The following DIAPH1 variants were observed in gnomAD, a reference collection of about 807,000 sequenced individuals.
DIAPH1 encodes diaphanous related formin 1, also known as protein diaphanous homolog 1.
A neutral mutation model predicts 140.7 loss-of-function variants in DIAPH1; 46 were observed. The observed-to-expected ratio is 0.33, with a 90% CI of 0.26 to 0.42. The LOEUF (loss-of-function observed/expected upper bound fraction) is 0.42, where lower values mean the gene tolerates loss of function less well. Among genes scored for constraint, DIAPH1 ranks in the 10% least tolerant of loss-of-function variants. The probability of loss-of-function intolerance (pLI) is 1.00; values close to 1 mark genes in which losing one functional copy is unlikely to be tolerated. For synonymous variants in DIAPH1, 565 were observed against 551.6 expected, an observed-to-expected ratio of 1.02 and a Z score of -0.34; for missense variants, 1,310 against 1,558.7, an observed-to-expected ratio of 0.84 and a Z score of 2.69.
intron 10 of DIAPH1, 49 bp from the exon 11 acceptor site, chr5:141,578,392 G>C (rs1351979552): frequency 1.3e-6 from 2 of 1,551,286 alleles, no homozygotes; most frequent in Non-Finnish European, 1.8e-6. Context: ...TATCCTCTGT[G>C]GTTAGAAACC....
chr5:141,611,411 C>G (rs891827351), intron 1 of DIAPH1, among the ~76,000 whole-genome samples: 2 of 152,078 alleles, frequency 1.3e-5, no homozygotes, highest in Admixed American at 6.5e-5. Flanking sequence ...AATGAAAAGA[C>G]AGCCAGAAGT....
chr5:141,536,033 C>T, intron 18 of DIAPH1: 1 of 469,178 alleles, frequency 2.1e-6, no homozygotes, highest in South Asian at 1.6e-5. Context: ...GGCACAGTGG[C>T]TCACACCTGT....
intron 17 of DIAPH1, chr5:141,571,712 C>T (rs1323473214): frequency 1.5e-6 from 1 of 684,060 alleles, no homozygotes; most frequent in Non-Finnish European, 2.7e-6. Flanking sequence ...ATACAAAATA[C>T]CTACATACAA....
Position 141,580,652 on chromosome 5 carries a change from C to G in DIAPH1, c.824+92G>C, listed in dbSNP as rs980771153. 10 of 1,313,938 alleles carry G rather than the reference C, an allele frequency of 7.6e-6. No homozygotes were observed. The Admixed American group carries it at 1.4e-4, about 18-fold the overall frequency. The allele number at this position is 1,313,938 out of a possible 1,614,324, so 81.4% of individuals were successfully genotyped here. On this transcript the variant is annotated intron_variant, in intron 8 of 27. Transcript: ENST00000389054. Reference sequence around the variant, plus strand: ...CACAATCTTACCTAGTATTTATGACCGAGAGGACACCCAACCAACTCAATT... The same window carrying G: ...CACAATCTTACCTAGTATTTATGACGGAGAGGACACCCAACCAACTCAATT...
At chr5:141,545,644 G>GA (rs934019767) in intron 18 of DIAPH1, among the ~76,000 whole-genome samples, 11 of 151,808 alleles carry the variant, frequency 7.2e-5, no homozygotes, top group African/African-American at 2.7e-4. Context: ...CCCTGTCTCA[G>GA]AAAAAAAGCA....
intron 27 of DIAPH1, among the ~76,000 whole-genome samples, chr5:141,519,660 G>GA (rs2099886217): frequency 2.6e-5 from 4 of 152,202 alleles, no homozygotes; most frequent in African/African-American, 7.2e-5. Context: ...AGAGTAGGTA[G>GA]GGAGAAGATC....
chr5:141,543,686 T>G (rs2099890343), intron 18 of DIAPH1, among the ~76,000 whole-genome samples: 1 of 152,206 alleles, frequency 6.6e-6, no homozygotes, highest in African/African-American at 2.4e-5. Flanking sequence ...GAAAGATGTT[T>G]GGTAAGTTAG....
intron 17 of DIAPH1, 165 bp downstream of exon 17, chr5:141,571,761 A>C: frequency 1.4e-6 from 1 of 720,466 alleles, no homozygotes; most frequent in Non-Finnish European, 2.5e-6. Flanking sequence ...CATAATATTT[A>C]ATACAAAAAC....
At chr5:141,583,098 C>G in intron 6 of DIAPH1, 108 bp downstream of exon 6, 1 of 967,870 alleles carries the variant, frequency 1.0e-6, no homozygotes, top group South Asian at 1.3e-5. Context: ...ACAGTACATT[C>G]CCCTAGCCCA....
At position 141,571,368 on chromosome 5, in the gene DIAPH1, A is replaced by G. The variant is rs576355437; in HGVS notation, c.2482+60T>C. On this transcript the variant is annotated intron_variant, in intron 18 of 27. Transcript: ENST00000389054. ...TCTAATGAGAAATTCCTTTATATCT[A>G]TTTCATCTTTTTCTCTAATATTCAA... 26 of 1,372,858 alleles carry G rather than the reference A, an allele frequency of 1.9e-5. 1 individual carries two copies. The South Asian group carries it at 3.1e-4, about 16-fold the overall frequency. 85.0% of individuals were successfully genotyped at this position (1,372,858 alleles called of 1,614,324 possible).
chr5:141,568,573 C>T (rs2099894705), intron 18 of DIAPH1, among the ~76,000 whole-genome samples: 1 of 152,168 alleles, frequency 6.6e-6, no homozygotes, highest in African/African-American at 2.4e-5. Flanking sequence ...GTATAATATT[C>T]TAGGACCAGT....
chr5:141,517,122 C>G, intron 27 of DIAPH1, 114 bp from the exon 28 acceptor site: 4 of 1,166,072 alleles, frequency 3.4e-6, no homozygotes, highest in Non-Finnish European at 5.0e-6. Flanking sequence ...TTGGCCACTT[C>G]ACAGAGGCCC....
chr5:141,579,637 T>C (rs1014742439), intron 8 of DIAPH1, among the ~76,000 whole-genome samples: 1 of 152,076 alleles, frequency 6.6e-6, no homozygotes, highest in African/African-American at 2.4e-5. Context: ...GAACAGATAG[T>C]GAAATCTGCT....
intron 3 of DIAPH1, 146 bp from the exon 4 acceptor site, chr5:141,584,371 CT>C (rs1438680863): frequency 9.5e-6 from 6 of 634,062 alleles, no homozygotes; most frequent in Non-Finnish European, 1.7e-5. Flanking sequence ...GAAATTTAAG[CT>C]ATTACAGCTG....
At chr5:141,592,031 G>A (rs536995565) in intron 1 of DIAPH1, among the ~76,000 whole-genome samples, 192 of 148,450 alleles carry the variant, frequency 1.3e-3, no homozygotes, top group Middle Eastern at 3.5e-3. Context: ...GCAGTGAGCC[G>A]AGATCGCACC....
chr5:141,597,162 A>T (rs1019294881), intron 1 of DIAPH1, among the ~76,000 whole-genome samples: 2 of 152,208 alleles, frequency 1.3e-5, no homozygotes, highest in Non-Finnish European at 1.5e-5. Context: ...CCCAGTATTG[A>T]AGGATAAGTC....
chr5:141,567,411 T>C (rs1345621667), intron 18 of DIAPH1, among the ~76,000 whole-genome samples: 2 of 152,176 alleles, frequency 1.3e-5, no homozygotes, highest in Non-Finnish European at 2.9e-5. Context: ...ATCTTGATAT[T>C]ATAGAACTTC....
intron 18 of DIAPH1, among the ~76,000 whole-genome samples, chr5:141,535,095 G>A (rs1309206331): frequency 6.6e-6 from 1 of 152,100 alleles, no homozygotes; most frequent in Non-Finnish European, 1.5e-5. Context: ...GACTACAGGT[G>A]CAGGCCACCA....
chr5:141,600,559 T>C (rs2099899990), intron 1 of DIAPH1, among the ~76,000 whole-genome samples: 1 of 152,234 alleles, frequency 6.6e-6, no homozygotes, highest in African/African-American at 2.4e-5. Context: ...CTGATTTTTA[T>C]TTCTGGCTTC....
Sources: allele counts gnomAD v4.1 joint callset (sites outside exome capture counted in the v4.1 genomes callset), GRCh38; gene constraint gnomAD v4.1.1; transcripts MANE v1.5; gene names NCBI Gene and HGNC (gene_info 2026-07-23, HGNC 2026-07-21).